The following RAET1E variants were observed in gnomAD, a reference collection of about 807,000 sequenced individuals.
The protein encoded by RAET1E is retinoic acid early transcript 1E, also known as NKG2D ligand 4.
A neutral mutation model predicts 21.1 loss-of-function variants in RAET1E; 27 were observed. The ratio of observed to expected loss-of-function variants is 1.28; its 90% confidence interval spans 0.94 to 1.76. RAET1E has a LOEUF of 1.76. Ranked by LOEUF, RAET1E falls within the 40% of genes most tolerant of loss-of-function variation. The pLI is 0.00. For synonymous variants in RAET1E, 113 were observed against 115.0 expected (o/e 0.98, Z 0.11); for missense variants, 310 against 311.3 (o/e 1.00, Z 0.03).
At chr6:149,891,717 T>C (rs1285261070) in intron 2 of RAET1E, among the ~76,000 whole-genome samples, 1 of 151,882 alleles carries the variant, frequency 6.6e-6, no homozygotes, top group African/African-American at 2.4e-5. Flanking sequence ...TAAGACTCCA[T>C]CTCTACAAAA....
chr6:149,885,519 C>T lies in RAET1E; in HGVS notation c.*2979G>A, dbSNP rs1413968564. 2.0e-5 allele frequency: 3 copies of T among 152,254 alleles called. No individual in the cohort carries two copies. Among genetic ancestry groups the T allele is most frequent in the Non-Finnish European group, 4.4e-5 (3 of 68,072 alleles). The allele number at this position is 152,254 out of a possible 1,614,324, so 9.4% of individuals were successfully genotyped here. ...AACCTCATTTCTCCCTGTCCTCATA[C>T]AGGACAAGCCCTGCCCCTAATCCAG... On this transcript the variant is annotated 3_prime_UTR_variant, in exon 6 of 6. Coordinates refer to ENST00000357183, the MANE Select transcript of RAET1E (RefSeq NM_001394057.1).
rs1777730171 is a variant in RAET1E, at chr6:149,888,686, A to G, written c.623-19T>C. The G allele has an allele frequency of 1.3e-6, 2 of 1,546,064 alleles. No individual in the cohort carries two copies. Among genetic ancestry groups the G allele is most frequent in the Admixed American group, 2.2e-5 (1 of 45,492 alleles). ...GGTGACACTAAAAAAAAAAAAAAAA[A>G]GAAAAAAAAGCACAAGCCCTGTCAC... On this transcript the variant is annotated intron_variant, in intron 5 of 5. Transcript: ENST00000357183.
chr6:149,896,646 G>A lies in RAET1E; in HGVS notation c.-320-614C>T, dbSNP rs992799269. On this transcript the variant is annotated intron_variant, in intron 1 of 5. Coordinates refer to ENST00000357183, the MANE Select transcript of RAET1E (RefSeq NM_001394057.1). ...AAGAACAGAGTGTATGTGTGTGTTTGTGTGTGTGTGTGTGTGTGTGCATGG... is the reference window on the plus strand; with the variant it reads ...AAGAACAGAGTGTATGTGTGTGTTTATGTGTGTGTGTGTGTGTGTGCATGG... Among the ~76,000 whole-genome samples, 6 of 139,086 alleles carry A rather than the reference G, an allele frequency of 4.3e-5. No individual in the cohort carries two copies. In the East Asian group the frequency reaches 1.2e-3, roughly 27 times the overall value. 91.2% of individuals were successfully genotyped at this position (139,086 alleles called of 152,430 possible).
intron 1 of RAET1E, among the ~76,000 whole-genome samples, chr6:149,896,977 G>A (rs1296091377): frequency 6.6e-6 from 1 of 152,206 alleles, no homozygotes; most frequent in Non-Finnish European, 1.5e-5. Context: ...ACTGCAAAAT[G>A]TCAGCTTCAG....
At chr6:149,888,777 C>T in intron 5 of RAET1E, 110 bp from the exon 6 acceptor site, 8 of 1,427,872 alleles carry the variant, frequency 5.6e-6, no homozygotes, top group African/African-American at 1.5e-5. Context: ...CACATGGTGC[C>T]CCACATAATC....
Position 149,886,144 on chromosome 6 carries a change from T to C in RAET1E, c.*2354A>G, listed in dbSNP as rs992639863. On this transcript the variant is annotated 3_prime_UTR_variant, in exon 6 of 6. Transcript: ENST00000357183. Reference sequence around the variant, plus strand: ...TCAAAAAGTTCAGTGTGGATGCCTCTAGACATTTTCTTATCTGTGTCTGAT... The same window carrying C: ...TCAAAAAGTTCAGTGTGGATGCCTCCAGACATTTTCTTATCTGTGTCTGAT... Among the ~76,000 whole-genome samples the C allele has an allele frequency of 2.0e-5, 3 of 152,252 alleles. No individual in the cohort carries two copies. The highest frequency in any genetic ancestry group is 2.9e-5 in the Non-Finnish European group (2 of 68,048).
chr6:149,888,468 A>G lies in RAET1E; in HGVS notation c.*30T>C, dbSNP rs1447110284. On this transcript the variant is annotated 3_prime_UTR_variant, in exon 6 of 6. Transcript: ENST00000357183. ...GGGAGCGGGGGCTTGGATGAGACCCATGATTCACCTCTCTTGAGTCCTTAC... is the reference window on the plus strand; with the variant it reads ...GGGAGCGGGGGCTTGGATGAGACCCGTGATTCACCTCTCTTGAGTCCTTAC... The G allele has an allele frequency of 3.7e-6, 6 of 1,604,778 alleles. No individual in the cohort carries two copies. In the Middle Eastern group the frequency reaches 5.0e-4, roughly 133 times the overall value.
intron 2 of RAET1E, 122 bp downstream of exon 2, chr6:149,895,724 C>G (rs1778090933): frequency 6.6e-6 from 1 of 152,100 alleles, no homozygotes; most frequent in Non-Finnish European, 1.5e-5. Flanking sequence ...ATCTGTAGAC[C>G]CCCTTCCCAC....
At chr6:149,892,078 A>T (rs1429157932) in intron 2 of RAET1E, among the ~76,000 whole-genome samples, 1 of 152,212 alleles carries the variant, frequency 6.6e-6, no homozygotes, top group Non-Finnish European at 1.5e-5. Flanking sequence ...TTATGGCTGC[A>T]TAGTGTTCCA....
rs755269931 is a variant in RAET1E, at chr6:149,888,603, G to A, written c.687C>T (p.Ile229=). The A allele has an allele frequency of 1.2e-6, 2 of 1,607,568 alleles. No individual in the cohort carries two copies. Among genetic ancestry groups the A allele is most frequent in the South Asian group, 2.2e-5 (2 of 90,894 alleles). ...SSSSLPDRWI[I]LGAFILLVLM... is the part of the protein sequence containing the mutation. ...AAACTAACAGGATGAATGCCCCCAGGATGATCCATCTATCTGGTAGACTAG... is the reference window on the plus strand; with the variant it reads ...AAACTAACAGGATGAATGCCCCCAGAATGATCCATCTATCTGGTAGACTAG... The change falls in exon 6 of 6, where the codon ATC becomes ATT. Residue 229 remains isoleucine, a synonymous_variant. Transcript: ENST00000357183.
At position 149,883,992 on chromosome 6, in the gene RAET1E, C is replaced by G. The variant is rs978358561; in HGVS notation, c.*4506G>C. 3 of 157,596 alleles carry G rather than the reference C, an allele frequency of 1.9e-5. No individual in the cohort carries two copies. Among genetic ancestry groups the G allele is most frequent in the African/African-American group, 7.2e-5 (3 of 41,534 alleles). The allele number at this position is 157,596 out of a possible 1,614,324, so 9.8% of individuals were successfully genotyped here. On this transcript the variant is annotated 3_prime_UTR_variant, in exon 6 of 6. Coordinates refer to ENST00000357183, the MANE Select transcript of RAET1E (RefSeq NM_001394057.1). ...CCACAAGCTGCTACTCTTCTAACTCCCGGGGATCCATGCCCTCCCCTCTGT... is the reference window on the plus strand; with the variant it reads ...CCACAAGCTGCTACTCTTCTAACTCGCGGGGATCCATGCCCTCCCCTCTGT...
chr6:149,894,658 C>T (rs1350128324), intron 2 of RAET1E, among the ~76,000 whole-genome samples: 3 of 152,064 alleles, frequency 2.0e-5, no homozygotes. Context: ...ATTGGTTATT[C>T]TAATTAGCAA....
rs540953860 is a variant in RAET1E at position 149,893,257 on chromosome 6, T to G, written c.-133-2223A>C. On this transcript the variant is annotated intron_variant, in intron 2 of 5. Transcript: ENST00000357183. The stretch of plus-strand genomic sequence containing the variant: ...GTGAAGAAAGTCAGTGGTAGCTTAA[T>G]GGGGATAGCATTGAATCTATAAATT... Among the ~76,000 whole-genome samples the G allele has an allele frequency of 9.2e-5, 14 of 152,354 alleles. 1 individual carries two copies. In the South Asian group the frequency reaches 2.9e-3, roughly 32 times the overall value.
intron 1 of RAET1E, among the ~76,000 whole-genome samples, chr6:149,896,869 A>C (rs1218298292): frequency 6.6e-6 from 1 of 152,094 alleles, no homozygotes; most frequent in Non-Finnish European, 1.5e-5. Context: ...ATATACAGAA[A>C]GGGGAAAGGG....
chr6:149,893,322 C>G (rs1053335981), intron 2 of RAET1E, among the ~76,000 whole-genome samples: 3 of 152,194 alleles, frequency 2.0e-5, no homozygotes, highest in African/African-American at 7.2e-5. Context: ...ATTAGTGCTT[C>G]CTATCCATGA....
chr6:149,892,220 C>A (rs1023097026), intron 2 of RAET1E, among the ~76,000 whole-genome samples: 2 of 152,292 alleles, frequency 1.3e-5, no homozygotes, highest in South Asian at 2.1e-4. Flanking sequence ...TGGGTATATA[C>A]CCAGTAATGG....
rs929961669 is a variant in RAET1E, at chr6:149,884,775, G to A, written c.*3723C>T. 3.3e-5 allele frequency among the ~76,000 whole-genome samples: 5 copies of A among 152,214 alleles called. No homozygotes were observed. Among genetic ancestry groups the A allele is most frequent in the African/African-American group, 1.2e-4 (5 of 41,450 alleles). ...GGAACACAGTGGGAAGGCCCACAGC[G>A]GGGGCAAGAGTCTTCCAGCTGTGGG... On this transcript the variant is annotated 3_prime_UTR_variant, in exon 6 of 6. Transcript: ENST00000357183.
Position 149,887,165 on chromosome 6 carries a change from C to G in RAET1E, c.*1333G>C, listed in dbSNP as rs1282272103. Among the ~76,000 whole-genome samples, 2 of 152,202 alleles carry G rather than the reference C, an allele frequency of 1.3e-5. No homozygotes were observed. The highest frequency in any genetic ancestry group is 6.5e-5 in the Admixed American group (1 of 15,290). On this transcript the variant is annotated 3_prime_UTR_variant, in exon 6 of 6. Transcript: ENST00000357183. ...CTAGAGGCCAGGAACTCCCAGGTGT[C>G]TATGGAGGTCCCACCTCCTTTAAAT...
chr6:149,888,215 C>T lies in RAET1E; in HGVS notation c.*283G>A, dbSNP rs371829561. On this transcript the variant is annotated 3_prime_UTR_variant, in exon 6 of 6. Coordinates refer to ENST00000357183, the MANE Select transcript of RAET1E (RefSeq NM_001394057.1). ...ACCTGCTGAGCTAAATCACGGTAAA[C>T]GCAGACAGCAAACAAACTTTCCGTC... 2.3e-4 allele frequency: 148 copies of T among 653,224 alleles called. No individual in the cohort carries two copies. The highest frequency in any genetic ancestry group is 2.5e-4 in the Middle Eastern group (1 of 3,946). 40.5% of individuals were successfully genotyped at this position (653,224 alleles called of 1,614,324 possible).
Sources: gnomAD v4.1 joint callset for allele counts (sites outside exome capture counted in the v4.1 genomes callset) on GRCh38, gnomAD v4.1.1 for gene constraint, MANE v1.5 for transcripts, NCBI Gene and HGNC (gene_info 2026-07-23, HGNC 2026-07-21) for gene names.